ADH1C: variants seen among roughly 807,000 people sequenced by gnomAD.
The protein encoded by ADH1C is alcohol dehydrogenase 1C (class I), gamma polypeptide, also known as alcohol dehydrogenase 1C.
Under a neutral mutation model 35.0 loss-of-function variants are expected in ADH1C, and 26 were observed. The ratio of observed to expected loss-of-function variants is 0.74; its 90% CI spans 0.54 to 1.03. The LOEUF is 1.03. Among genes scored for constraint, ADH1C ranks in the 50% least tolerant of loss-of-function variants. The probability of loss-of-function intolerance (pLI) is 0.00; values close to 1 mark genes in which losing one functional copy is unlikely to be tolerated. For synonymous variants in ADH1C, 170 were observed against 169.3 expected, an observed-to-expected ratio of 1.00 and a Z score of -0.03; for missense variants, 413 against 465.4, an observed-to-expected ratio of 0.89 and a Z score of 1.04.
In ADH1C at chr4:99,345,058, A is replaced by C. The variant is rs1192195322; in HGVS notation, c.371T>G (p.Leu124Arg). ...KNDLGNPRGT[L>R]QDGTRRFTCS... is the part of the protein sequence containing the mutation. ...GGTGAACCTCCTGGTGCCATCCTGC[A>C]GGGTCCCCCGAGGATTGCCTAGACT... The change falls in exon 5 of 9, where the codon CTG (leucine) becomes CGG (arginine). Residue 124 changes from leucine (L) to arginine (R), a missense_variant. Physicochemically the swap from Leu to Arg is moderately radical, Grantham distance 102. Transcript: ENST00000515683. 6.2e-7 allele frequency: 1 copy of C among 1,614,196 alleles called. No homozygotes were observed. Among genetic ancestry groups the C allele is most frequent in the Non-Finnish European group, 8.5e-7 (1 of 1,180,016 alleles).
chr4:99,341,814 A>T (rs1165292319), intron 6 of ADH1C, among the ~76,000 whole-genome samples: 4 of 152,144 alleles, frequency 2.6e-5, no homozygotes. Context: ...TTCAAAGATG[A>T]CATAAGCACT....
In ADH1C at chr4:99,344,917, C is replaced by A. The variant is rs764313136; in HGVS notation, c.512G>T (p.Cys171Phe). 6.2e-7 allele frequency: 1 copy of A among 1,614,210 alleles called. No individual in the cohort carries two copies. Among genetic ancestry groups the A allele is most frequent in the Admixed American group, 1.7e-5 (1 of 60,020 alleles). The change falls in exon 5 of 9, where the codon TGC becomes TTC. Residue 171 changes from cysteine to phenylalanine, a missense_variant. Physicochemically the swap from Cys to Phe is radical, Grantham distance 205. Coordinates refer to ENST00000515683, the MANE Select transcript of ADH1C (RefSeq NM_000669.5). ...AGTCGAAAATCCACAGCCAATGAGG[C>A]AGACTTTCTCCAGGGGCGAGGCTGC... is the stretch of plus-strand genomic sequence containing the variant. ...IDAASPLEKVCLIGCGFSTGY... is the reference protein window; with the variant it reads ...IDAASPLEKVFLIGCGFSTGY...
chr4:99,339,536 G>T (rs1433868055), intron 8 of ADH1C, 41 bp downstream of exon 8: 106 of 1,247,448 alleles, frequency 8.5e-5, no homozygotes, highest in South Asian at 2.2e-4. Context: ...CGCCGCTACT[G>T]TAGAATACAA....
At chr4:99,352,337 G>T (rs1734696068) in intron 1 of ADH1C, among the ~76,000 whole-genome samples, 1 of 152,074 alleles carries the variant, frequency 6.6e-6, no homozygotes, top group Admixed American at 6.6e-5. Flanking sequence ...GTCATGATTA[G>T]CTTGGAATAA....
rs372954582 is a variant in ADH1C, at chr4:99,345,270, C to T, written c.260-4G>A. The stretch of plus-strand genomic sequence containing the variant: ...AAGAGCGGGATGACTTTATCACCTG[C>T]AGAGGAATAAAACAAATTCTTCTTA... On this transcript the variant is annotated splice_polypyrimidine_tract_variant and splice_region_variant and intron_variant, in intron 3 of 8. Coordinates refer to ENST00000515683, the MANE Select transcript of ADH1C (RefSeq NM_000669.5). 1 of 1,611,598 alleles carries T rather than the reference C, an allele frequency of 6.2e-7. No individual in the cohort carries two copies. The highest frequency in any genetic ancestry group is 8.5e-7 in the Non-Finnish European group (1 of 1,178,516).
chr4:99,337,734 C>G (rs1734310895), intron 8 of ADH1C, among the ~76,000 whole-genome samples: 1 of 151,992 alleles, frequency 6.6e-6, no homozygotes, highest in Admixed American at 6.6e-5. Flanking sequence ...TTCTTGAATT[C>G]TATCAGCTTT....
Position 99,347,777 on chromosome 4 carries a change from C to T in ADH1C, c.88G>A (p.Ala30Thr). The T allele has an allele frequency of 6.2e-7, 1 of 1,613,518 alleles. No individual in the cohort carries two copies. Among genetic ancestry groups the T allele is most frequent in the Non-Finnish European group, 8.5e-7 (1 of 1,179,594 alleles). Residue 30 changes from alanine to threonine, a missense_variant, in exon 2 of 9, where the codon GCA becomes ACA. By Grantham distance (58) the Ala-to-Thr change is moderately conservative. Transcript: ENST00000515683. ...KPFSIEEVEVAPPKAHEVRIK... is the reference protein window; with the variant it reads ...KPFSIEEVEVTPPKAHEVRIK... ...CGAACTTCATGAGCCTTAGGAGGTGCAACCTCTACCTCCTCAATGGAAAAG... is the reference window on the plus strand; with the variant it reads ...CGAACTTCATGAGCCTTAGGAGGTGTAACCTCTACCTCCTCAATGGAAAAG...
chr4:99,340,157 A>G (rs1348800109), intron 7 of ADH1C, among the ~76,000 whole-genome samples: 1 of 152,228 alleles, frequency 6.6e-6, no homozygotes, highest in African/African-American at 2.4e-5. Flanking sequence ...TCATGCCTGT[A>G]ATCCCAGCAC....
chr4:99,347,029 T>C lies in ADH1C; in HGVS notation c.236A>G (p.Glu79Gly), dbSNP rs761613003. Residue 79 changes from glutamate to glycine, a missense_variant, in exon 3 of 9, where the codon GAA becomes GGA. Transcript: ENST00000515683. ...EAAGIVESVGEGVTTVKPGDK... is the reference protein window; with the variant it reads ...EAAGIVESVGGGVTTVKPGDK... ...ACCTGGTTTGACTGTAGTCACCCCTTCTCCAACACTTTCCACGATGCCGGC... is the reference window on the plus strand; with the variant it reads ...ACCTGGTTTGACTGTAGTCACCCCTCCTCCAACACTTTCCACGATGCCGGC... 2.5e-6 allele frequency: 4 copies of C among 1,614,012 alleles called. No homozygotes were observed. In the African/African-American group the frequency reaches 5.3e-5, roughly 22 times the overall value.
chr4:99,352,089 T>C (rs528448046), intron 1 of ADH1C, among the ~76,000 whole-genome samples: 11 of 152,326 alleles, frequency 7.2e-5, no homozygotes, highest in African/African-American at 2.6e-4. Flanking sequence ...GAATGTGATG[T>C]CTTGCTTAAC....
At chr4:99,346,685 A>T (rs1734536554) in intron 3 of ADH1C, among the ~76,000 whole-genome samples, 2 of 152,134 alleles carry the variant, frequency 1.3e-5, no homozygotes, top group Admixed American at 6.6e-5. Flanking sequence ...AGCTAACACT[A>T]ACGTGGAAGT....
At chr4:99,343,258 A>T (rs968021528) in intron 5 of ADH1C, among the ~76,000 whole-genome samples, 20 of 152,218 alleles carry the variant, frequency 1.3e-4, no homozygotes, top group African/African-American at 3.9e-4. Flanking sequence ...AAACTGCTGC[A>T]TATTAGATTC....
At chr4:99,338,393 T>TTTTTTATATA (rs1334509876) in intron 8 of ADH1C, among the ~76,000 whole-genome samples, 1 of 73,090 alleles carries the variant, frequency 1.4e-5, no homozygotes, top group South Asian at 6.7e-4. Flanking sequence ...GAATACTGTT[T>TTTTTTATATA]TCTATATATA....
In ADH1C at chr4:99,340,732, G is replaced by A. The variant is rs770114041; in HGVS notation, c.829-22C>T. The A allele has an allele frequency of 3.5e-5, 56 of 1,612,062 alleles. No individual in the cohort carries two copies. The Admixed American group carries it at 9.3e-4, about 27-fold the overall frequency. On this transcript the variant is annotated intron_variant, in intron 6 of 8. Coordinates refer to ENST00000515683, the MANE Select transcript of ADH1C (RefSeq NM_000669.5). ...CCATCTGGAATAAAGTGAACATTTA[G>A]TATCCTTAACGTGGAGTGGCATAGT...
At chr4:99,351,188 C>T (rs1421862257) in intron 1 of ADH1C, 3 of 151,642 alleles carry the variant, frequency 2.0e-5, no homozygotes, top group South Asian at 4.2e-4. Flanking sequence ...TTCTGTACTC[C>T]GTGGTAGTAA....
chr4:99,338,683 GT>G (rs1230235120), intron 8 of ADH1C, among the ~76,000 whole-genome samples: 1 of 148,482 alleles, frequency 6.7e-6, no homozygotes, highest in Non-Finnish European at 1.5e-5. Context: ...CTGGTGCTCT[GT>G]GGGTGCTAGT....
chr4:99,342,587 G>A lies in ADH1C; in HGVS notation c.828+208C>T, dbSNP rs574553963. ...AACAAGCCCTTTTTCTTTTCTCGAG[G>A]AAATATGACTTGAGACAGGTTTGCT... On this transcript the variant is annotated intron_variant, in intron 6 of 8. Transcript: ENST00000515683. Among the ~76,000 whole-genome samples the A allele has an allele frequency of 3.3e-5, 5 of 152,176 alleles. No individual in the cohort carries two copies. The South Asian group carries it at 8.3e-4, about 25-fold the overall frequency.
At chr4:99,338,735 A>G (rs1246646673) in intron 8 of ADH1C, among the ~76,000 whole-genome samples, 1 of 149,342 alleles carries the variant, frequency 6.7e-6, no homozygotes, top group Non-Finnish European at 1.5e-5. Context: ...TAAAGTATCT[A>G]GTATGATAGT....
At chr4:99,340,004 G>C (rs1734375658) in intron 7 of ADH1C, among the ~76,000 whole-genome samples, 1 of 152,282 alleles carries the variant, frequency 6.6e-6, no homozygotes, top group African/African-American at 2.4e-5. Context: ...TTTTTGTGTA[G>C]ATATGATTTA....
Sources: allele counts gnomAD v4.1 joint callset (sites outside exome capture counted in the v4.1 genomes callset), GRCh38; gene constraint gnomAD v4.1.1; transcripts MANE v1.5; gene names NCBI Gene and HGNC (gene_info 2026-07-23, HGNC 2026-07-21).